FGGY: variants seen among roughly 807,000 people sequenced by gnomAD.
FGGY encodes the protein FGGY carbohydrate kinase domain containing, also known as FGGY carbohydrate kinase domain-containing protein.
Under a neutral mutation model 71.3 loss-of-function variants are expected in FGGY, and 72 were observed. That is an observed-to-expected ratio of 1.01 (90% confidence interval 0.84 to 1.23). The LOEUF (loss-of-function observed/expected upper bound fraction) is 1.23. Ranked by LOEUF, FGGY falls within the 50% of genes most tolerant of loss-of-function variation. The probability of loss-of-function intolerance (pLI) is 0.00; values close to 1 mark genes in which losing one functional copy is unlikely to be tolerated. For missense variants in FGGY, 668 were observed against 682.3 expected (o/e 0.98, Z 0.23); for synonymous variants, 251 against 250.3 (o/e 1.00, Z -0.02).
intron 5 of FGGY, among the ~76,000 whole-genome samples, chr1:59,451,508 A>G (rs546981185): frequency 5.9e-5 from 9 of 151,936 alleles, no homozygotes; most frequent in Non-Finnish European, 1.0e-4. Flanking sequence ...GCATATATGT[A>G]TATGTTTAAG....
chr1:59,363,711 G>A (rs1441685489), intron 4 of FGGY, among the ~76,000 whole-genome samples: 1 of 152,200 alleles, frequency 6.6e-6, no homozygotes, highest in Non-Finnish European at 1.5e-5. Context: ...GACAGGTGAA[G>A]GTGTTGAGAG....
chr1:59,699,304 A>T (rs1485406892), intron 14 of FGGY: 1 of 984,418 alleles, frequency 1.0e-6, no homozygotes, highest in African/African-American at 1.7e-5. Flanking sequence ...AATTAGAGAT[A>T]CTAAATTGTT....
At chr1:59,402,691 A>G (rs2062129414) in intron 5 of FGGY, among the ~76,000 whole-genome samples, 2 of 152,190 alleles carry the variant, frequency 1.3e-5, no homozygotes, top group African/African-American at 4.8e-5. Context: ...GGCATTAGGG[A>G]CACTGAGCCT....
rs144429743 is a variant in FGGY at position 59,583,352 on chromosome 1, C to T, written c.904-24451C>T. On this transcript the variant is annotated intron_variant, in intron 8 of 15. Transcript: ENST00000303721. The stretch of plus-strand genomic sequence containing the variant: ...ACATTCCTTGTCAATATTATGTCAG[C>T]GGAAAACTTGCTAGCCTTAGAAATA... 2.7e-3 allele frequency among the ~76,000 whole-genome samples: 386 copies of T among 142,966 alleles called. 65 individuals carry two copies. Among genetic ancestry groups the T allele is most frequent in the African/African-American group, 9.1e-3 (331 of 36,464 alleles). 93.8% of individuals were successfully genotyped at this position (142,966 alleles called of 152,430 possible).
intron 5 of FGGY, among the ~76,000 whole-genome samples, chr1:59,411,117 C>T (rs538929960): frequency 5.3e-5 from 8 of 152,330 alleles, no homozygotes; most frequent in Admixed American, 2.6e-4. Flanking sequence ...TAGGATCACA[C>T]AATACATTTA....
intron 11 of FGGY, among the ~76,000 whole-genome samples, chr1:59,655,450 C>T (rs2097209798): frequency 6.6e-6 from 1 of 151,814 alleles, no homozygotes; most frequent in Admixed American, 6.6e-5. Context: ...ACCACAGGCC[C>T]CAGTGTGTGA....
intron 14 of FGGY, among the ~76,000 whole-genome samples, chr1:59,720,379 G>C (rs1015063288): frequency 6.6e-6 from 1 of 152,160 alleles, no homozygotes; most frequent in South Asian, 2.1e-4. Context: ...TTTCTACTTT[G>C]GTGGTTTGAA....
chr1:59,363,064 G>A (rs79897353), intron 4 of FGGY, among the ~76,000 whole-genome samples: 1,723 of 152,274 alleles, frequency 0.011, 18 homozygotes, highest in African/African-American at 0.04. Flanking sequence ...AGACCCACAC[G>A]TAATTTGAGA....
At chr1:59,431,922 A>T (rs1229186635) in intron 5 of FGGY, among the ~76,000 whole-genome samples, 1 of 152,152 alleles carries the variant, frequency 6.6e-6, no homozygotes, top group Non-Finnish European at 1.5e-5. Flanking sequence ...TGCTTTAATG[A>T]GGCGACTCTT....
At chr1:59,364,696 T>C (rs79509519) in intron 4 of FGGY, among the ~76,000 whole-genome samples, 4,327 of 152,298 alleles carry the variant, frequency 0.028, 225 homozygotes, top group African/African-American at 0.099. Context: ...GGGATATTCA[T>C]AGAGTACTAT....
intron 5 of FGGY, among the ~76,000 whole-genome samples, chr1:59,446,866 G>A (rs886703292): frequency 7.9e-5 from 12 of 152,174 alleles, no homozygotes; most frequent in South Asian, 6.2e-4. Flanking sequence ...AGTGAGCTGC[G>A]TATAAATAAT....
At chr1:59,587,001 C>T (rs1347101163) in intron 8 of FGGY, among the ~76,000 whole-genome samples, 3 of 152,222 alleles carry the variant, frequency 2.0e-5, no homozygotes, top group Non-Finnish European at 2.9e-5. Context: ...CATTGCCTCA[C>T]TCAGGAAGCA....
intron 1 of FGGY, among the ~76,000 whole-genome samples, chr1:59,308,037 C>G (rs970671256): frequency 1.3e-5 from 2 of 152,136 alleles, no homozygotes; most frequent in African/African-American, 2.4e-5. Context: ...GTGTGCTTAC[C>G]GTGTGCAGCT....
At chr1:59,344,258 T>C (rs2051310990) in intron 3 of FGGY, among the ~76,000 whole-genome samples, 1 of 152,114 alleles carries the variant, frequency 6.6e-6, no homozygotes, top group Admixed American at 6.6e-5. Flanking sequence ...TGCCTTGTTA[T>C]GCCCATGACC....
chr1:59,576,698 A>T (rs2096085025), intron 8 of FGGY, among the ~76,000 whole-genome samples: 1 of 151,944 alleles, frequency 6.6e-6, no homozygotes, highest in Non-Finnish European at 1.5e-5. Context: ...ACACACACAC[A>T]CACACACACA....
chr1:59,401,880 G>A (rs934613936), intron 5 of FGGY, among the ~76,000 whole-genome samples: 6 of 152,216 alleles, frequency 3.9e-5, no homozygotes, highest in African/African-American at 1.2e-4. Flanking sequence ...TGGAGAGGAG[G>A]AGGAAGGAAT....
intron 6 of FGGY, among the ~76,000 whole-genome samples, chr1:59,491,287 C>T (rs902451918): frequency 6.6e-6 from 1 of 150,674 alleles, no homozygotes; most frequent in African/African-American, 2.5e-5. Context: ...ATAGGGATTA[C>T]GTTGAGTGTG....
At chr1:59,400,525 T>C (rs2061819566) in intron 5 of FGGY, among the ~76,000 whole-genome samples, 1 of 151,630 alleles carries the variant, frequency 6.6e-6, no homozygotes, top group South Asian at 2.1e-4. Context: ...CTTCATTTTT[T>C]TCTCTAACAA....
At chr1:59,501,083 C>T (rs1357790162) in intron 6 of FGGY, among the ~76,000 whole-genome samples, 1 of 152,180 alleles carries the variant, frequency 6.6e-6, no homozygotes, top group African/African-American at 2.4e-5. Context: ...TGCTTGACAT[C>T]CTGTAGATTC....
Sources: gnomAD v4.1 joint callset for allele counts (sites outside exome capture counted in the v4.1 genomes callset) on GRCh38, gnomAD v4.1.1 for gene constraint, MANE v1.5 for transcripts, NCBI Gene and HGNC (gene_info 2026-07-23, HGNC 2026-07-21) for gene names.